The following AGRN variants were observed in gnomAD, a reference collection of about 807,000 sequenced individuals.
AGRN encodes the protein agrin, also known as agrin proteoglycan.
A neutral mutation model predicts 211.0 loss-of-function variants in AGRN; 106 were observed. The observed-to-expected ratio is 0.50, with a 90% CI of 0.43 to 0.59. The LOEUF (loss-of-function observed/expected upper bound fraction) is 0.59, where lower values mean the gene tolerates loss of function less well. Among genes scored for constraint, AGRN ranks in the 20% least tolerant of loss-of-function variants. The pLI, the probability that AGRN is intolerant of heterozygous loss-of-function variation, is 0.00. For missense variants in AGRN, 3,040 were observed against 2,982.6 expected (o/e 1.02, Z -0.45); for synonymous variants, 1,525 against 1,332.5 (o/e 1.14, Z -3.15).
intron 2 of AGRN, chr1:1,034,821 A>C: frequency 3.1e-6 from 2 of 653,316 alleles, no homozygotes; most frequent in Admixed American, 4.9e-5. Flanking sequence ...CGGGGATGGG[A>C]TGGGTCACTC....
chr1:1,050,185 AG>A, intron 27 of AGRN, 47 bp from the exon 28 acceptor site: 3 of 1,606,432 alleles, frequency 1.9e-6, no homozygotes, highest in Non-Finnish European at 2.6e-6. Flanking sequence ...CATGGGGTGC[AG>A]GAGGCCCCGG....
intron 2 of AGRN, among the ~76,000 whole-genome samples, chr1:1,030,777 G>A (rs1644652056): frequency 7.2e-6 from 1 of 139,546 alleles, no homozygotes; most frequent in Non-Finnish European, 1.6e-5. Context: ...ATGTGTGTGT[G>A]TGTGTGTGTG....
Position 1,044,005 on chromosome 1 carries a change from G to A in AGRN, c.1981G>A (p.Ala661Thr). 6.2e-7 allele frequency: 1 copy of A among 1,607,810 alleles called. No homozygotes were observed. Among genetic ancestry groups the A allele is most frequent in the South Asian group, 1.1e-5 (1 of 90,892 alleles). The change falls in exon 10 of 36, where the codon GCA becomes ACA. Residue 661 changes from alanine to threonine, a missense_variant. Physicochemically the swap from Ala to Thr is moderately conservative, Grantham distance 58. Transcript: ENST00000379370. ...LQQTQIEEAR[A>T]GPCEQAECGS... ...GCAGACACAGATCGAGGAGGCCCGG[G>A]CAGGGCCGTGCGAGCAGGGTAGGCC... is the stretch of plus-strand genomic sequence containing the variant.
In AGRN at chr1:1,044,094, T is replaced by C; in HGVS notation, c.2000-15T>C. ...ACAAGAAGCCCCTGGGTGACTCTGC[T>C]CCCCTTCCCCGCAGCCGAGTGCGGT... is the stretch of plus-strand genomic sequence containing the variant. On this transcript the variant is annotated splice_polypyrimidine_tract_variant and intron_variant, in intron 10 of 35. Coordinates refer to ENST00000379370, the MANE Select transcript of AGRN (RefSeq NM_198576.4). The C allele has an allele frequency of 1.9e-6, 3 of 1,613,064 alleles. No homozygotes were observed. Among genetic ancestry groups the C allele is most frequent in the East Asian group, 2.2e-5 (1 of 44,876 alleles).
Position 1,043,957 on chromosome 1 carries a change from C to T in AGRN, c.1933C>T (p.Leu645=). The change falls in exon 10 of 36, where the codon CTA becomes TTA. Residue 645 remains leucine, a synonymous_variant. Transcript: ENST00000379370. ...TGTCACCTACGGCAGTGCCTGCGAG[C>T]TACGGGAAGCCGCCTGCCTCCAGCA... ...DGVTYGSACE[L]REAACLQQTQ... is the part of the protein sequence containing the mutation. The T allele has an allele frequency of 6.2e-7, 1 of 1,606,106 alleles. No homozygotes were observed.
At position 1,054,783 on chromosome 1, in the gene AGRN, A is replaced by T. The variant is rs1176089127; in HGVS notation, c.5981-41A>T. ...GCTCGTTGGGGTGCCCATCAGCATC[A>T]CTGAGTCACAGCCGGGTGACTCCCA... On this transcript the variant is annotated intron_variant, in intron 35 of 35. Transcript: ENST00000379370. 2.6e-6 allele frequency: 4 copies of T among 1,540,896 alleles called. No individual in the cohort carries two copies. In the Admixed American group the frequency reaches 7.8e-5, roughly 30 times the overall value.
intron 27 of AGRN, 38 bp from the exon 28 acceptor site, chr1:1,050,195 G>A (rs761862991): frequency 3.9e-5 from 63 of 1,609,628 alleles, no homozygotes; most frequent in South Asian, 6.6e-5. Context: ...AGGAGGCCCC[G>A]GGGGTCAGGA....
At position 1,043,309 on chromosome 1, in the gene AGRN, G is replaced by A. The variant is rs1420160088; in HGVS notation, c.1455G>A (p.Gln485=). 6.2e-7 allele frequency: 1 copy of A among 1,611,450 alleles called. No homozygotes were observed. Among genetic ancestry groups the A allele is most frequent in the East Asian group, 2.2e-5 (1 of 44,750 alleles). ...CGACGTGTGCTGTGAAGAACGGGCA[G>A]GCAGCGTGTGAATGCCTGCAGGCGT... ...FGATCAVKNG[Q]AACECLQACS... is the part of the protein sequence containing the mutation. Residue 485 remains glutamine (Q), a synonymous_variant, in exon 8 of 36, where the codon CAG becomes CAA. Coordinates refer to ENST00000379370, the MANE Select transcript of AGRN (RefSeq NM_198576.4).
intron 2 of AGRN, among the ~76,000 whole-genome samples, chr1:1,029,628 CATGTGTGT>C (rs1446495484): frequency 1.1e-5 from 1 of 94,086 alleles, no homozygotes; most frequent in East Asian, 3.6e-4. Context: ...GTGAGATCAG[CATGTGTGT>C]GTGTGTGTGC....
At position 1,044,369 on chromosome 1, in the gene AGRN, G is replaced by A; in HGVS notation, c.2184G>A (p.Glu728=). ...CAGATGGGGTCACCTACAGCACCGAGTGTGAGCTGAAGAAGGCCAGGTGTG... is the reference window on the plus strand; with the variant it reads ...CAGATGGGGTCACCTACAGCACCGAATGTGAGCTGAAGAAGGCCAGGTGTG... ...CGSDGVTYST[E]CELKKARCES... Residue 728 remains glutamate, a synonymous_variant, in exon 12 of 36, where the codon GAG becomes GAA. Coordinates refer to ENST00000379370, the MANE Select transcript of AGRN (RefSeq NM_198576.4). 1 of 1,612,800 alleles carries A rather than the reference G, an allele frequency of 6.2e-7. No homozygotes were observed. Among genetic ancestry groups the A allele is most frequent in the Non-Finnish European group, 8.5e-7 (1 of 1,179,834 alleles).
chr1:1,031,522 G>T lies in AGRN; in HGVS notation c.464-3755G>T, dbSNP rs1644677131. ...CTGTGGGGGGCTCAGACACTGACTG[G>T]GGCTGGGTGGGGCCAGGCTGCCTGC... On this transcript the variant is annotated intron_variant, in intron 2 of 35. Transcript: ENST00000379370. The surrounding 1 kb of genome is among the most constrained non-coding windows in gnomAD (Gnocchi z 4.8). Among the ~76,000 whole-genome samples, 1 of 152,150 alleles carries T rather than the reference G, an allele frequency of 6.6e-6. No individual in the cohort carries two copies. The highest frequency in any genetic ancestry group is 1.5e-5 in the Non-Finnish European group (1 of 67,984).
At chr1:1,034,840 C>T (rs2100607399) in intron 2 of AGRN, 1 of 473,658 alleles carries the variant, frequency 2.1e-6, no homozygotes, top group South Asian at 5.2e-5. Context: ...TCTGCGGACC[C>T]CTCGGTCCCT....
At chr1:1,047,280 G>A (rs759823348) in intron 19 of AGRN, 47 bp from the exon 20 acceptor site, 1 of 1,556,018 alleles carries the variant, frequency 6.4e-7, no homozygotes, top group South Asian at 1.2e-5. Flanking sequence ...GGCCAGCCTG[G>A]ATGCCAGGCA....
At chr1:1,052,881 C>G (rs1472443165) in intron 33 of AGRN, 1 of 156,674 alleles carries the variant, frequency 6.4e-6, no homozygotes, top group Non-Finnish European at 1.4e-5. Context: ...GTGGGGGAGA[C>G]AGGTGTGTGT....
chr1:1,053,101 A>C, intron 33 of AGRN: 1 of 246,304 alleles, frequency 4.1e-6, no homozygotes, highest in Non-Finnish European at 8.1e-6. Context: ...TGGGGCATCC[A>C]AGCCCCTGGT....
chr1:1,044,133 G>T lies in AGRN; in HGVS notation c.2024G>T (p.Gly675Val). 6.2e-7 allele frequency: 1 copy of T among 1,613,288 alleles called. No homozygotes were observed. Among genetic ancestry groups the T allele is most frequent in the Non-Finnish European group, 8.5e-7 (1 of 1,179,940 alleles). Residue 675 changes from glycine to valine, a missense_variant, in exon 11 of 36, where the codon GGC (glycine) becomes GTC (valine). Gly to Val is a moderately radical substitution (Grantham distance 109). Coordinates refer to ENST00000379370, the MANE Select transcript of AGRN (RefSeq NM_198576.4). ...GCCGAGTGCGGTTCCGGAGGCTCTG[G>T]CTCTGGGGAGGACGGTGACTGTGAG... is the stretch of plus-strand genomic sequence containing the variant. ...EQAECGSGGS[G>V]SGEDGDCEQE...
rs141914965 is a variant in AGRN, at chr1:1,053,953, G to A, written c.5852G>A (p.Arg1951His). 25 of 1,602,542 alleles carry A rather than the reference G, an allele frequency of 1.6e-5. No homozygotes were observed. Among genetic ancestry groups the A allele is most frequent in the East Asian group, 4.5e-5 (2 of 44,464 alleles). The change falls in exon 34 of 36, where the codon CGC (arginine) becomes CAC (histidine). Residue 1951 changes from arginine to histidine, a missense_variant. By Grantham distance (29) the Arg-to-His change is conservative (BLOSUM62 0). Around this residue, in one of 3 missense-constraint regions of AGRN, gnomAD observed 1,537 missense variants for 1,505.0 expected, o/e 1.02. Transcript: ENST00000379370. ...LRSTVPVNTN[R>H]WLRVVAHREQ... The stretch of plus-strand genomic sequence containing the variant: ...TCCACCGTGCCCGTCAACACCAACC[G>A]CTGGTTGCGGGTCGTGGCACATAGG...
At chr1:1,043,144 C>T (rs911464864) in intron 7 of AGRN, 95 bp from the exon 8 acceptor site, 8 of 1,354,732 alleles carry the variant, frequency 5.9e-6, no homozygotes, top group East Asian at 2.5e-5. Flanking sequence ...TCCACCATCC[C>T]CTCCCTGGAA....
chr1:1,052,059 C>T (rs1183854467), intron 33 of AGRN: 1 of 1,487,580 alleles, frequency 6.7e-7, no homozygotes, highest in South Asian at 1.2e-5. Flanking sequence ...CACTCCCACT[C>T]CTCCATCCTT....
Sources: gnomAD v4.1 joint callset for allele counts (sites outside exome capture counted in the v4.1 genomes callset) on GRCh38, gnomAD v4.1.1 for gene constraint, gnomAD v4.1.1 regional missense constraint, Gnocchi (gnomAD v3.1) non-coding constraint, MANE v1.5 for transcripts, NCBI Gene and HGNC (gene_info 2026-07-23, HGNC 2026-07-21) for gene names.